Variants in CCDC85A observed in about 807,000 individuals in gnomAD.
The protein encoded by CCDC85A is coiled-coil domain-containing protein 85A.
In CCDC85A, 38 loss-of-function variants were observed where a neutral mutation model predicts 50.2. The ratio of observed to expected loss-of-function variants is 0.76; its 90% confidence interval spans 0.58 to 0.99. The LOEUF is 0.99. Among genes scored for constraint, CCDC85A ranks in the 50% least tolerant of loss-of-function variants. The probability of loss-of-function intolerance (pLI) is 0.00; values close to 1 mark genes in which losing one functional copy is unlikely to be tolerated. For synonymous variants in CCDC85A, 366 were observed against 301.4 expected (o/e 1.21, Z -2.22); for missense variants, 820 against 742.0 (o/e 1.11, Z -1.22).
At position 56,227,867 on chromosome 2, in the gene CCDC85A, T is replaced by C. The variant is rs76736319; in HGVS notation, c.1240+34427T>C. On this transcript the variant is annotated intron_variant, in intron 2 of 5. Transcript: ENST00000407595. ...TAATGGTCTGATTGCCCTTGTCCAG[T>C]GATGCTCACCTAGATTTCAAGAGTT... is the stretch of plus-strand genomic sequence containing the variant. Among the ~76,000 whole-genome samples, 19 of 152,296 alleles carry C rather than the reference T, an allele frequency of 1.2e-4. No homozygotes were observed. The East Asian group carries it at 3.7e-3, about 29-fold the overall frequency.
At chr2:56,365,035 C>A (rs1300805419) in intron 3 of CCDC85A, among the ~76,000 whole-genome samples, 1 of 152,148 alleles carries the variant, frequency 6.6e-6, no homozygotes, top group African/African-American at 2.4e-5. Flanking sequence ...GGAGATTTCC[C>A]ATGCAACTCC....
chr2:56,354,415 A>G (rs1037820165), intron 3 of CCDC85A, among the ~76,000 whole-genome samples: 2 of 152,246 alleles, frequency 1.3e-5, no homozygotes, highest in Non-Finnish European at 1.5e-5. Flanking sequence ...TGTGATACAC[A>G]TAAAGAATAA....
intron 2 of CCDC85A, among the ~76,000 whole-genome samples, chr2:56,246,477 C>T (rs1573093724): frequency 6.7e-6 from 1 of 150,286 alleles, no homozygotes. Flanking sequence ...CCTATGTTTT[C>T]TTCTAAAAGT....
intron 2 of CCDC85A, among the ~76,000 whole-genome samples, chr2:56,212,630 TA>T (rs567835710): frequency 6.4e-4 from 97 of 152,214 alleles, no homozygotes; most frequent in African/African-American, 2.2e-3. Context: ...TAGAAAGTCT[TA>T]AATACAATCC....
Position 56,184,060 on chromosome 2 carries a change from G to A in CCDC85A, c.-565G>A. The A allele has an allele frequency of 1.0e-6, 1 of 985,510 alleles. No individual in the cohort carries two copies. The highest frequency in any genetic ancestry group is 1.2e-6 in the Non-Finnish European group (1 of 830,062). The allele number at this position is 985,510 out of a possible 1,614,324, so 61.0% of individuals were successfully genotyped here. ...AGGAGCGGCCGCGGGCGCAGCGAAG[G>A]CGGCAGGAGGAGCGCAGCAGCCTTC... On this transcript the variant is annotated 5_prime_UTR_variant, in exon 1 of 6. Coordinates refer to ENST00000407595, the MANE Select transcript of CCDC85A (RefSeq NM_001080433.2).
At chr2:56,319,591 A>G (rs552860753) in intron 2 of CCDC85A, among the ~76,000 whole-genome samples, 26 of 152,148 alleles carry the variant, frequency 1.7e-4, no homozygotes, top group Non-Finnish European at 3.5e-4. Context: ...ATAAATAAAC[A>G]ATGAATATAG....
intron 2 of CCDC85A, among the ~76,000 whole-genome samples, chr2:56,265,835 C>T (rs1670415305): frequency 6.6e-6 from 1 of 152,082 alleles, no homozygotes; most frequent in East Asian, 1.9e-4. Context: ...GAAGATATAT[C>T]TGCACTCCCA....
intron 2 of CCDC85A, among the ~76,000 whole-genome samples, chr2:56,274,213 T>C (rs1002886279): frequency 2.0e-5 from 3 of 152,174 alleles, no homozygotes; most frequent in Admixed American, 1.3e-4. Context: ...GTTTCTTTTA[T>C]ACTGTTCTGC....
intron 2 of CCDC85A, among the ~76,000 whole-genome samples, chr2:56,240,073 T>A (rs1182951913): frequency 6.6e-6 from 1 of 152,138 alleles, no homozygotes; most frequent in East Asian, 1.9e-4. Flanking sequence ...TGGTTTTAAG[T>A]ATATTCACAG....
chr2:56,265,158 A>G (rs1256002783), intron 2 of CCDC85A, among the ~76,000 whole-genome samples: 1 of 152,146 alleles, frequency 6.6e-6, no homozygotes. Context: ...AAGGAATAGG[A>G]AGAGGGAAAA....
chr2:56,355,315 GAATACTC>G (rs1225385716), intron 3 of CCDC85A, among the ~76,000 whole-genome samples: 1 of 152,162 alleles, frequency 6.6e-6, no homozygotes, highest in East Asian at 1.9e-4. Flanking sequence ...AGGTGGGAAG[GAATACTC>G]ACTGTTGGTC....
In CCDC85A at chr2:56,327,955, A is replaced by G. The variant is rs1331702619; in HGVS notation, c.1241-14924A>G. Among the ~76,000 whole-genome samples the G allele has an allele frequency of 2.0e-5, 3 of 151,912 alleles. No homozygotes were observed. The East Asian group carries it at 5.8e-4, about 29-fold the overall frequency. The stretch of plus-strand genomic sequence containing the variant: ...TTTAAGAACTTTTCATTATTAATTC[A>G]CTTGATTTTCACAACAATCTAATAA... On this transcript the variant is annotated intron_variant, in intron 2 of 5. Transcript: ENST00000407595.
intron 2 of CCDC85A, among the ~76,000 whole-genome samples, chr2:56,272,605 G>A (rs1382116090): frequency 6.6e-6 from 1 of 152,238 alleles, no homozygotes; most frequent in Middle Eastern, 3.4e-3. Context: ...ATATAGCAGA[G>A]AGTAAAAGTA....
chr2:56,237,076 A>C (rs1437737679), intron 2 of CCDC85A, among the ~76,000 whole-genome samples: 1 of 152,138 alleles, frequency 6.6e-6, no homozygotes, highest in Non-Finnish European at 1.5e-5. Context: ...GCATTTCTTA[A>C]TGATGCTTAT....
At chr2:56,332,660 TC>T (rs1673869887) in intron 2 of CCDC85A, among the ~76,000 whole-genome samples, 1 of 142,552 alleles carries the variant, frequency 7.0e-6, no homozygotes, top group Admixed American at 7.0e-5. Context: ...TATCTCTCTC[TC>T]CCCCTCTCTC....
chr2:56,189,295 G>GTATTTTTTTTTTTTTCT (rs773078371), intron 1 of CCDC85A, among the ~76,000 whole-genome samples: 7 of 100,444 alleles, frequency 7.0e-5, no homozygotes, highest in Non-Finnish European at 1.4e-4. Flanking sequence ...GGTATTTTTG[G>GTATTTTTTTTTTTTTCT]TGTTTTTTTT....
In CCDC85A at chr2:56,184,511, C is replaced by T. The variant is rs1675905881; in HGVS notation, c.-114C>T. ...CAACCCAGCGGCCCCTGGGCGGTGCCGCTGACTCGCCGGAGCGCACAGGGG... is the reference window on the plus strand; with the variant it reads ...CAACCCAGCGGCCCCTGGGCGGTGCTGCTGACTCGCCGGAGCGCACAGGGG... On this transcript the variant is annotated 5_prime_UTR_variant, in exon 1 of 6. Coordinates refer to ENST00000407595, the MANE Select transcript of CCDC85A (RefSeq NM_001080433.2). 1.4e-5 allele frequency: 16 copies of T among 1,181,320 alleles called. No homozygotes were observed. The highest frequency in any genetic ancestry group is 1.6e-5 in the Non-Finnish European group (15 of 931,514). The allele number at this position is 1,181,320 out of a possible 1,614,324, so 73.2% of individuals were successfully genotyped here. A position where few individuals can be genotyped will look rare whatever the true frequency, so the allele number is the denominator to read the frequency against.
chr2:56,319,445 A>G (rs1224198348), intron 2 of CCDC85A, among the ~76,000 whole-genome samples: 1 of 152,108 alleles, frequency 6.6e-6, no homozygotes, highest in Non-Finnish European at 1.5e-5. Context: ...AAAGCAGGGT[A>G]ACTCTTAAGC....
intron 2 of CCDC85A, among the ~76,000 whole-genome samples, chr2:56,203,423 G>T (rs1041163910): frequency 1.4e-4 from 21 of 151,454 alleles, no homozygotes; most frequent in African/African-American, 5.1e-4. Flanking sequence ...CAAGTCTTCA[G>T]TCCCTTATTC....
Sources: gnomAD v4.1 joint callset for allele counts (sites outside exome capture counted in the v4.1 genomes callset) on GRCh38, gnomAD v4.1.1 for gene constraint, MANE v1.5 for transcripts, NCBI Gene and HGNC (gene_info 2026-07-23, HGNC 2026-07-21) for gene names.